NCKAP5: variants seen among roughly 807,000 people sequenced by gnomAD.
The protein encoded by NCKAP5 is nck-associated protein 5.
NCKAP5 carries 92 observed loss-of-function variants against 167.0 expected under a neutral mutation model. The observed-to-expected ratio is 0.55, with a 90% CI of 0.47 to 0.66. The LOEUF (loss-of-function observed/expected upper bound fraction) is 0.66, where lower values mean the gene tolerates loss of function less well. Ranked by LOEUF, NCKAP5 falls within the 30% of genes least tolerant of loss-of-function variation. The pLI is 0.00. For synonymous variants in NCKAP5, 891 were observed against 877.4 expected (o/e 1.02, Z -0.27); for missense variants, 2,378 against 2,315.0 (o/e 1.03, Z -0.56).
chr2:132,692,145 TTTTATTTTA>T (rs1361391228), intron 19 of NCKAP5, among the ~76,000 whole-genome samples: 4 of 149,898 alleles, frequency 2.7e-5, no homozygotes, highest in Admixed American at 1.3e-4. Flanking sequence ...TTTTATTTTA[TTTTATTTTA>T]TTTTTTGAGA....
chr2:133,245,456 T>A lies in NCKAP5; in HGVS notation c.144-31677A>T, dbSNP rs1046107577. ...AGGTCTAATATGGGGAAAAACCAAT[T>A]TATGGTAACAGAAATCAGGATAGTA... On this transcript the variant is annotated intron_variant, in intron 4 of 19. Coordinates refer to ENST00000409261, the MANE Select transcript of NCKAP5 (RefSeq NM_207363.3). 4.1e-4 allele frequency among the ~76,000 whole-genome samples: 62 copies of A among 152,102 alleles called. 1 individual carries two copies. Among genetic ancestry groups the A allele is most frequent in the Non-Finnish European group, 9.1e-4 (62 of 68,018 alleles).
At chr2:133,130,783 G>A (rs1350761711) in intron 5 of NCKAP5, among the ~76,000 whole-genome samples, 1 of 152,216 alleles carries the variant, frequency 6.6e-6, no homozygotes, top group Non-Finnish European at 1.5e-5. Flanking sequence ...AAAGCACACA[G>A]CTCAGATCCT....
At chr2:133,063,972 C>T (rs1383628074) in intron 6 of NCKAP5, among the ~76,000 whole-genome samples, 1 of 152,172 alleles carries the variant, frequency 6.6e-6, no homozygotes, top group Non-Finnish European at 1.5e-5. Context: ...AGGAACTGTC[C>T]ATGGTGCTGC....
intron 6 of NCKAP5, among the ~76,000 whole-genome samples, chr2:132,998,241 A>G (rs1419865316): frequency 6.6e-6 from 1 of 152,238 alleles, no homozygotes; most frequent in Non-Finnish European, 1.5e-5. Flanking sequence ...GTAAAATTAC[A>G]AGCTATAAAC....
rs1238391290 is a variant in NCKAP5, at chr2:132,757,244, CTT to C, written c.5128+16570_5128+16571del. 4.6e-5 allele frequency among the ~76,000 whole-genome samples: 7 copies of C among 152,328 alleles called. No homozygotes were observed. The South Asian group carries it at 1.0e-3, about 23-fold the overall frequency. ...GCGATAAGATGATTGCTAAATGACT[CTT>C]CTCACATTCTATCGATGGGCTGATG... On this transcript the variant is annotated intron_variant, in intron 16 of 19. Transcript: ENST00000409261.
chr2:133,092,225 G>A (rs1475244205), intron 6 of NCKAP5, among the ~76,000 whole-genome samples: 3 of 152,060 alleles, frequency 2.0e-5, no homozygotes, highest in Admixed American at 2.0e-4. Context: ...GCTGAAATTG[G>A]GCCTGAAATC....
chr2:133,536,824 GCTAT>G (rs1218863270), intron 2 of NCKAP5, among the ~76,000 whole-genome samples: 4 of 151,474 alleles, frequency 2.6e-5, no homozygotes, highest in Non-Finnish European at 2.9e-5. Flanking sequence ...TGATGTCCAA[GCTAT>G]CTGTTTTTTT....
the NCKAP5 span, among the ~76,000 whole-genome samples, chr2:133,651,674 A>G: frequency 1.7e-4 from 26 of 152,326 alleles, no homozygotes; most frequent in Middle Eastern, 3.4e-3. Flanking sequence ...TATTTATCCA[A>G]AAGAAATCAG....
At chr2:132,730,749 G>C (rs78291652) in intron 17 of NCKAP5, among the ~76,000 whole-genome samples, 3,367 of 152,282 alleles carry the variant, frequency 0.022, 133 homozygotes, top group African/African-American at 0.076. Flanking sequence ...AATCTCTGGA[G>C]GCTGTGTCAT....
At chr2:132,701,256 C>T (rs965118861) in intron 19 of NCKAP5, among the ~76,000 whole-genome samples, 1 of 152,098 alleles carries the variant, frequency 6.6e-6, no homozygotes, top group African/African-American at 2.4e-5. Context: ...AGGGTTTCCA[C>T]TGAAATACCA....
intron 11 of NCKAP5, among the ~76,000 whole-genome samples, chr2:132,831,318 A>T (rs1270263151): frequency 1.3e-5 from 2 of 152,206 alleles, no homozygotes; most frequent in African/African-American, 2.4e-5. Context: ...GATATCAAGA[A>T]CTGGCATTTC....
chr2:132,740,869 A>T (rs1015586231), intron 16 of NCKAP5, among the ~76,000 whole-genome samples: 5 of 152,142 alleles, frequency 3.3e-5, no homozygotes, highest in Non-Finnish European at 7.4e-5. Context: ...AAGAAAAAAA[A>T]ATGGACCATG....
chr2:133,129,266 C>T (rs1369901689), intron 6 of NCKAP5, among the ~76,000 whole-genome samples: 3 of 151,490 alleles, frequency 2.0e-5, no homozygotes, highest in Non-Finnish European at 4.4e-5. Context: ...CCACAACAGT[C>T]CCCGGAGTGT....
chr2:133,393,305 G>A (rs1457758537), intron 3 of NCKAP5, among the ~76,000 whole-genome samples: 2 of 152,122 alleles, frequency 1.3e-5, no homozygotes, highest in African/African-American at 2.4e-5. Context: ...CTGCCACTTC[G>A]TTCCAAGTTG....
intron 6 of NCKAP5, among the ~76,000 whole-genome samples, chr2:133,100,123 T>C (rs1269652040): frequency 1.3e-5 from 2 of 152,202 alleles, no homozygotes; most frequent in African/African-American, 4.8e-5. Context: ...TTACTCTTTG[T>C]GAACCATGGG....
In NCKAP5 at chr2:132,781,169, A is replaced by AT; in HGVS notation, c.4931dup (p.Asn1644LysfsTer46). ...AGCCCTGAGAACTGCCCTTTAACAC[A>AT]TTCCTGCAGGAAGCATTACTTGATC... On this transcript the variant is annotated frameshift_variant, in exon 15 of 20. Transcript: ENST00000409261. LOFTEE classifies it high-confidence loss of function. 1 of 1,613,886 alleles carries AT rather than the reference A, an allele frequency of 6.2e-7. No homozygotes were observed. Among genetic ancestry groups the AT allele is most frequent in the East Asian group, 2.2e-5 (1 of 44,860 alleles).
At chr2:133,597,726 C>T in the NCKAP5 span, among the ~76,000 whole-genome samples, 9 of 147,296 alleles carry the variant, frequency 6.1e-5, no homozygotes, top group African/African-American at 1.5e-4. Flanking sequence ...GGAGATGCTA[C>T]TGTCTTTTCC....
intron 3 of NCKAP5, among the ~76,000 whole-genome samples, chr2:133,470,729 G>A (rs1679178177): frequency 6.6e-6 from 1 of 152,208 alleles, no homozygotes; most frequent in South Asian, 2.1e-4. Context: ...CGTTTTTTAA[G>A]CCTGTCGGAA....
At chr2:132,925,921 T>C (rs1695848594) in intron 8 of NCKAP5, among the ~76,000 whole-genome samples, 1 of 152,212 alleles carries the variant, frequency 6.6e-6, no homozygotes, top group African/African-American at 2.4e-5. Context: ...GGGGTACAAG[T>C]GCAGTTGTGT....
Sources: gnomAD v4.1 joint callset for allele counts (sites outside exome capture counted in the v4.1 genomes callset) on GRCh38, gnomAD v4.1.1 for gene constraint, MANE v1.5 for transcripts, NCBI Gene and HGNC (gene_info 2026-07-23, HGNC 2026-07-21) for gene names.